The following DPP10 variants were observed in gnomAD, a reference collection of about 807,000 sequenced individuals.
The protein encoded by DPP10 is dipeptidyl peptidase like 10.
Under a neutral mutation model 120.9 loss-of-function variants are expected in DPP10, and 33 were observed. The ratio of observed to expected loss-of-function variants is 0.27; its 90% CI spans 0.21 to 0.37. DPP10 has a LOEUF of 0.37. Among genes scored for constraint, DPP10 ranks in the 10% least tolerant of loss-of-function variants. The pLI, the probability that DPP10 is intolerant of heterozygous loss-of-function variation, is 1.00. For synonymous variants in DPP10, 337 were observed against 326.1 expected (o/e 1.03, Z -0.36); for missense variants, 816 against 942.8 (o/e 0.87, Z 1.76).
chr2:114,759,873 A>G (rs1025896110), intron 1 of DPP10, among the ~76,000 whole-genome samples: 4 of 152,120 alleles, frequency 2.6e-5, no homozygotes, highest in African/African-American at 9.7e-5. Context: ...CAAGTAAGAG[A>G]TCTCTGGAAA....
chr2:115,306,654 T>C (rs2061371026), intron 1 of DPP10, among the ~76,000 whole-genome samples: 1 of 152,136 alleles, frequency 6.6e-6, no homozygotes, highest in South Asian at 2.1e-4. Context: ...AGTCAGCAGT[T>C]CTCAAATAGG....
intron 1 of DPP10, among the ~76,000 whole-genome samples, chr2:114,517,999 A>T (rs1332914660): frequency 6.6e-6 from 1 of 151,284 alleles, no homozygotes; most frequent in African/African-American, 2.4e-5. Flanking sequence ...CATATTGTTT[A>T]AAAAAATTCA....
chr2:115,313,188 A>G (rs1432862842), intron 2 of DPP10, among the ~76,000 whole-genome samples: 1 of 152,144 alleles, frequency 6.6e-6, no homozygotes, highest in Non-Finnish European at 1.5e-5. Context: ...GCACCACTGC[A>G]CTTCAGCCTG....
At chr2:115,562,731 A>G (rs957874418) in intron 5 of DPP10, among the ~76,000 whole-genome samples, 2 of 152,186 alleles carry the variant, frequency 1.3e-5, no homozygotes, top group African/African-American at 2.4e-5. Flanking sequence ...CCAAAGGTAC[A>G]CTTATATTAC....
intron 10 of DPP10, among the ~76,000 whole-genome samples, chr2:115,751,146 T>G (rs1678655764): frequency 6.6e-6 from 1 of 152,204 alleles, no homozygotes; most frequent in African/African-American, 2.4e-5. Flanking sequence ...TTCAACAACA[T>G]TTATATCAAT....
chr2:115,620,072 G>A (rs1020127861), intron 5 of DPP10, among the ~76,000 whole-genome samples: 1 of 152,176 alleles, frequency 6.6e-6, no homozygotes, highest in African/African-American at 2.4e-5. Context: ...GCTCACTGCT[G>A]TTCGTTGCAA....
At chr2:115,313,006 G>A (rs758401152) in intron 2 of DPP10, among the ~76,000 whole-genome samples, 18 of 152,048 alleles carry the variant, frequency 1.2e-4, no homozygotes, top group Non-Finnish European at 2.1e-4. Context: ...GGAGGATCAC[G>A]AGGTCTGGAG....
intron 1 of DPP10, among the ~76,000 whole-genome samples, chr2:115,034,572 CCATT>C (rs1412515993): frequency 6.6e-6 from 1 of 152,124 alleles, no homozygotes; most frequent in Non-Finnish European, 1.5e-5. Context: ...ATGAGAATGA[CCATT>C]CAGTTATCTA....
chr2:114,566,615 T>A, intron 1 of DPP10, among the ~76,000 whole-genome samples: 1 of 152,322 alleles, frequency 6.6e-6, no homozygotes, highest in South Asian at 2.1e-4. Flanking sequence ...AGGTGTTAAG[T>A]TTTATTTTTA....
chr2:114,574,799 G>C (rs186603644), intron 1 of DPP10, among the ~76,000 whole-genome samples: 1 of 152,194 alleles, frequency 6.6e-6, no homozygotes, highest in East Asian at 1.9e-4. Context: ...ATTGGAGGGA[G>C]GCAGTGAAAG....
chr2:115,384,951 T>C (rs2066806979), intron 3 of DPP10, among the ~76,000 whole-genome samples: 1 of 152,194 alleles, frequency 6.6e-6, no homozygotes, highest in Non-Finnish European at 1.5e-5. Context: ...CTTGTGGTAG[T>C]GAATAAGTCT....
At chr2:115,756,810 G>A (rs1271356493) in intron 11 of DPP10, among the ~76,000 whole-genome samples, 1 of 152,050 alleles carries the variant, frequency 6.6e-6, no homozygotes, top group African/African-American at 2.4e-5. Context: ...GGAAATTCAA[G>A]ATCGAGAGGT....
At chr2:115,801,281 A>AT (rs2149971352) in intron 19 of DPP10, among the ~76,000 whole-genome samples, 1 of 152,252 alleles carries the variant, frequency 6.6e-6, no homozygotes. Context: ...TTGTACATTG[A>AT]TTTTGTATGC....
intron 1 of DPP10, among the ~76,000 whole-genome samples, chr2:115,078,909 T>C (rs1708014421): frequency 6.6e-6 from 1 of 152,230 alleles, no homozygotes; most frequent in Non-Finnish European, 1.5e-5. Flanking sequence ...ATAATCATGC[T>C]GAAGAGATAT....
intron 1 of DPP10, among the ~76,000 whole-genome samples, chr2:114,997,288 G>C (rs1306613141): frequency 6.9e-6 from 1 of 145,174 alleles, no homozygotes; most frequent in Admixed American, 7.0e-5. Context: ...AAAAGATAGA[G>C]ACCATCCTGG....
At chr2:114,461,904 AGAGCTGCGTG>A (rs1400208319) in intron 1 of DPP10, 5 of 985,366 alleles carry the variant, frequency 5.1e-6, no homozygotes, top group Non-Finnish European at 6.0e-6. Context: ...GAGGGAGATG[AGAGCTGCGTG>A]GAGCTGGTAT....
chr2:115,108,569 T>A (rs1039554736), intron 1 of DPP10, among the ~76,000 whole-genome samples: 2 of 152,330 alleles, frequency 1.3e-5, no homozygotes, highest in East Asian at 3.9e-4. Context: ...TTGGAGACAT[T>A]TGGCCTACCA....
intron 1 of DPP10, among the ~76,000 whole-genome samples, chr2:115,090,715 T>A (rs1709174780): frequency 6.6e-6 from 1 of 152,078 alleles, no homozygotes; most frequent in South Asian, 2.1e-4. Flanking sequence ...GCACTCTCTC[T>A]TACGGTCTAA....
At chr2:115,798,313 T>C (rs1365786241) in intron 19 of DPP10, among the ~76,000 whole-genome samples, 1 of 152,060 alleles carries the variant, frequency 6.6e-6, no homozygotes, top group African/African-American at 2.4e-5. Flanking sequence ...AAAAACATAT[T>C]AGGATATAAG....
Sources: allele counts gnomAD v4.1 joint callset (sites outside exome capture counted in the v4.1 genomes callset), GRCh38; gene constraint gnomAD v4.1.1; transcripts MANE v1.5; gene names NCBI Gene and HGNC (gene_info 2026-07-23, HGNC 2026-07-21).